TOX: variants seen among roughly 807,000 people sequenced by gnomAD.
The protein encoded by TOX is thymocyte selection-associated high mobility group box protein TOX.
In TOX, 11 loss-of-function variants were observed where a neutral mutation model predicts 53.7. The ratio of observed to expected loss-of-function variants is 0.20; its 90% confidence interval spans 0.13 to 0.34. TOX has a LOEUF of 0.34. Ranked by LOEUF, TOX falls within the 10% of genes least tolerant of loss-of-function variation. TOX has a pLI of 1.00. For missense variants in TOX, 570 were observed against 664.6 expected (o/e 0.86, Z 1.56); for synonymous variants, 225 against 245.3 (o/e 0.92, Z 0.77).
At chr8:58,975,409 G>C (rs1476737422) in intron 1 of TOX, among the ~76,000 whole-genome samples, 1 of 152,006 alleles carries the variant, frequency 6.6e-6, no homozygotes, top group Non-Finnish European at 1.5e-5. Context: ...TCCTTAATTT[G>C]GAATGTATTT....
At chr8:58,987,403 C>T (rs1315830526) in intron 1 of TOX, among the ~76,000 whole-genome samples, 1 of 151,962 alleles carries the variant, frequency 6.6e-6, no homozygotes, top group African/African-American at 2.4e-5. Flanking sequence ...TTTTCTGCAT[C>T]TTTTTTTTGG....
chr8:59,049,922 C>G (rs921909436), intron 1 of TOX, among the ~76,000 whole-genome samples: 1 of 152,126 alleles, frequency 6.6e-6, no homozygotes, highest in East Asian at 1.9e-4. Flanking sequence ...CTATACTAAG[C>G]AGGCTTTGAA....
chr8:58,949,588 G>A (rs1003958973), intron 2 of TOX, among the ~76,000 whole-genome samples: 23 of 152,066 alleles, frequency 1.5e-4, no homozygotes, highest in Non-Finnish European at 2.5e-4. Context: ...TAGTTGGGCA[G>A]ATGAGAATCC....
intron 1 of TOX, among the ~76,000 whole-genome samples, chr8:58,994,009 A>C (rs770478544): frequency 6.6e-6 from 1 of 152,102 alleles, no homozygotes; most frequent in Non-Finnish European, 1.5e-5. Flanking sequence ...TTTCACCTAG[A>C]TCCACGACAT....
intron 1 of TOX, among the ~76,000 whole-genome samples, chr8:59,001,851 A>G (rs1471237812): frequency 1.3e-5 from 2 of 152,162 alleles, no homozygotes; most frequent in Non-Finnish European, 2.9e-5. Context: ...AATAAGTAAT[A>G]AAATAGTCAT....
At chr8:59,010,827 A>G (rs6985657) in intron 1 of TOX, among the ~76,000 whole-genome samples, 13,167 of 152,264 alleles carry the variant, frequency 0.086, 654 homozygotes, top group Middle Eastern at 0.13. Flanking sequence ...AGTTAATTTA[A>G]AAGAGCAGCA....
chr8:58,865,345 G>T (rs531559131), intron 3 of TOX, among the ~76,000 whole-genome samples: 1 of 151,984 alleles, frequency 6.6e-6, no homozygotes, highest in Non-Finnish European at 1.5e-5. Context: ...CAACAATCAG[G>T]ATAACACAAT....
intron 1 of TOX, among the ~76,000 whole-genome samples, chr8:59,042,788 C>A (rs992728742): frequency 6.6e-6 from 1 of 152,086 alleles, no homozygotes; most frequent in Non-Finnish European, 1.5e-5. Flanking sequence ...TTTTAAGGCA[C>A]TAAAGTTATC....
chr8:58,871,757 G>A (rs1811203352), intron 3 of TOX, among the ~76,000 whole-genome samples: 1 of 152,132 alleles, frequency 6.6e-6, no homozygotes, highest in Admixed American at 6.6e-5. Flanking sequence ...GCAAGAGAAG[G>A]AGGCTATGCA....
At chr8:59,063,100 G>C (rs1804017137) in intron 1 of TOX, among the ~76,000 whole-genome samples, 1 of 152,062 alleles carries the variant, frequency 6.6e-6, no homozygotes, top group Admixed American at 6.6e-5. Context: ...ATTTTGAGTA[G>C]GTATTAGTTA....
chr8:58,815,839 T>A (rs1810167330), intron 6 of TOX, 115 bp from the exon 7 acceptor site: 6 of 1,122,924 alleles, frequency 5.3e-6, no homozygotes, highest in Non-Finnish European at 7.4e-6. Flanking sequence ...CCCATGACTA[T>A]CCCGGACTCT....
chr8:59,021,190 A>G (rs193177260), intron 1 of TOX, among the ~76,000 whole-genome samples: 1 of 151,186 alleles, frequency 6.6e-6, no homozygotes, highest in Non-Finnish European at 1.5e-5. Context: ...AAAACTTAAA[A>G]CTTTTTAACA....
At chr8:58,898,364 T>C (rs1037613001) in intron 3 of TOX, among the ~76,000 whole-genome samples, 2 of 38,504 alleles carry the variant, frequency 5.2e-5, no homozygotes, top group African/African-American at 3.0e-4. Context: ...TCTCTCGTTG[T>C]GCTCAAAAAC....
chr8:58,830,581 C>T (rs955608790), intron 5 of TOX, among the ~76,000 whole-genome samples: 2 of 152,166 alleles, frequency 1.3e-5, no homozygotes, highest in African/African-American at 2.4e-5. Context: ...CTTTTACTTT[C>T]TGCTTCTTCC....
At chr8:58,830,270 C>G (rs757894598) in intron 5 of TOX, among the ~76,000 whole-genome samples, 20 of 152,110 alleles carry the variant, frequency 1.3e-4, no homozygotes, top group Non-Finnish European at 2.6e-4. Flanking sequence ...AAGTTATATG[C>G]TGTGGTTTTT....
In TOX at chr8:59,087,536, G is replaced by A. The variant is rs552493958; in HGVS notation, c.102+31350C>T. On this transcript the variant is annotated intron_variant, in intron 1 of 8. Coordinates refer to ENST00000361421, the MANE Select transcript of TOX (RefSeq NM_014729.3). Reference sequence around the variant, plus strand: ...CCAGGTCTGTCCCCCCCTTTACTCTGTAGCAAACTACATAAATTTCAAAGA... The same window carrying A: ...CCAGGTCTGTCCCCCCCTTTACTCTATAGCAAACTACATAAATTTCAAAGA... Among the ~76,000 whole-genome samples the A allele has an allele frequency of 8.1e-4, 123 of 152,192 alleles. 2 individuals are homozygous for A. Among genetic ancestry groups the A allele is most frequent in the African/African-American group, 2.9e-3 (121 of 41,526 alleles).
chr8:59,045,188 T>G (rs1220887775), intron 1 of TOX, among the ~76,000 whole-genome samples: 1 of 152,224 alleles, frequency 6.6e-6, no homozygotes, highest in Admixed American at 6.5e-5. Flanking sequence ...GATTCTCCTT[T>G]CTTAATTTTT....
At chr8:59,102,879 C>A (rs1244687307) in intron 1 of TOX, among the ~76,000 whole-genome samples, 2 of 152,142 alleles carry the variant, frequency 1.3e-5, no homozygotes, top group Non-Finnish European at 2.9e-5. Context: ...CAGCCCTATA[C>A]CTGCCCCCAC....
intron 3 of TOX, among the ~76,000 whole-genome samples, chr8:58,878,608 T>C (rs1811327090): frequency 6.6e-6 from 1 of 152,248 alleles, no homozygotes; most frequent in South Asian, 2.1e-4. Flanking sequence ...GCTTCATTTG[T>C]CTTTGATAAG....
Sources: allele counts gnomAD v4.1 joint callset (sites outside exome capture counted in the v4.1 genomes callset), GRCh38; gene constraint gnomAD v4.1.1; transcripts MANE v1.5; gene names NCBI Gene and HGNC (gene_info 2026-07-23, HGNC 2026-07-21).